Variants in GALNT13 observed in about 807,000 individuals in gnomAD.
The protein encoded by GALNT13 is UDP-GalNAc:polypeptide N-acetylgalactosaminyltransferase 13.
A neutral mutation model predicts 64.2 loss-of-function variants in GALNT13; 28 were observed. That is an observed-to-expected ratio of 0.44 (90% CI 0.32 to 0.60). The LOEUF (loss-of-function observed/expected upper bound fraction) is 0.60. Ranked by LOEUF, GALNT13 falls within the 20% of genes least tolerant of loss-of-function variation. The pLI, the probability that GALNT13 is intolerant of heterozygous loss-of-function variation, is 0.05. For missense variants in GALNT13, 577 were observed against 669.8 expected (o/e 0.86, Z 1.53); for synonymous variants, 214 against 224.6 (o/e 0.95, Z 0.42).
the GALNT13 span, among the ~76,000 whole-genome samples, chr2:153,179,117 C>T: frequency 6.6e-6 from 1 of 152,132 alleles, no homozygotes; most frequent in African/African-American, 2.4e-5. Context: ...TTGCCCAGAC[C>T]AATGTCACAT....
At chr2:153,932,529 T>G (rs971379931) in intron 2 of GALNT13, among the ~76,000 whole-genome samples, 1 of 151,996 alleles carries the variant, frequency 6.6e-6, no homozygotes, top group Admixed American at 6.6e-5. Flanking sequence ...TTAATTTCAT[T>G]GTTTGCCCAA....
At chr2:153,292,201 C>T in the GALNT13 span, among the ~76,000 whole-genome samples, 3 of 152,140 alleles carry the variant, frequency 2.0e-5, no homozygotes, top group Non-Finnish European at 2.9e-5. Flanking sequence ...TTAGCTGTTT[C>T]ACCACCAAGG....
the GALNT13 span, among the ~76,000 whole-genome samples, chr2:153,411,723 C>T: frequency 3.3e-5 from 5 of 152,074 alleles, no homozygotes; most frequent in Non-Finnish European, 7.4e-5. Flanking sequence ...TGGTGTGATA[C>T]GTTTGCATAT....
intron 3 of GALNT13, among the ~76,000 whole-genome samples, chr2:154,091,515 A>G (rs1402762270): frequency 7.3e-5 from 11 of 151,074 alleles, no homozygotes; most frequent in Admixed American, 5.9e-4. Flanking sequence ...AATTAAAAGG[A>G]TGAGTTATTA....
the GALNT13 span, among the ~76,000 whole-genome samples, chr2:153,574,662 T>C: frequency 3.9e-5 from 6 of 152,106 alleles, no homozygotes; most frequent in Non-Finnish European, 8.8e-5. Flanking sequence ...AGTATGCCAA[T>C]TGCATTCTTT....
chr2:153,459,829 C>T, the GALNT13 span, among the ~76,000 whole-genome samples: 1 of 152,072 alleles, frequency 6.6e-6, no homozygotes, highest in Non-Finnish European at 1.5e-5. Flanking sequence ...ACCACTAAAG[C>T]CACATTGTGT....
chr2:153,357,696 T>A, the GALNT13 span, among the ~76,000 whole-genome samples: 1 of 152,176 alleles, frequency 6.6e-6, no homozygotes, highest in Non-Finnish European at 1.5e-5. Flanking sequence ...CCAAGCCTAA[T>A]TCTCCATCCT....
chr2:153,413,047 G>A, the GALNT13 span, among the ~76,000 whole-genome samples: 2 of 152,126 alleles, frequency 1.3e-5, no homozygotes, highest in African/African-American at 2.4e-5. Context: ...AGCATCTATA[G>A]ACAGTTAAGG....
the GALNT13 span, among the ~76,000 whole-genome samples, chr2:153,216,755 TA>T: frequency 6.6e-6 from 1 of 152,054 alleles, no homozygotes; most frequent in Non-Finnish European, 1.5e-5. Flanking sequence ...GGCTTATTTT[TA>T]AAAAATTCTC....
the GALNT13 span, among the ~76,000 whole-genome samples, chr2:153,484,749 A>G: frequency 6.6e-6 from 1 of 152,190 alleles, no homozygotes; most frequent in East Asian, 1.9e-4. Flanking sequence ...ATTTCTCAAA[A>G]TCTTCCAAAT....
At chr2:153,508,172 C>G in the GALNT13 span, among the ~76,000 whole-genome samples, 124 of 152,314 alleles carry the variant, frequency 8.1e-4, 1 homozygote, top group Middle Eastern at 0.017. Flanking sequence ...GTGGCACTCT[C>G]AAGAGCACAT....
chr2:153,447,903 T>C, the GALNT13 span, among the ~76,000 whole-genome samples: 8 of 152,202 alleles, frequency 5.3e-5, no homozygotes, highest in African/African-American at 1.7e-4. Context: ...CAAGGCAGTG[T>C]TCTAGGACAT....
chr2:153,647,333 T>C, the GALNT13 span, among the ~76,000 whole-genome samples: 13 of 152,174 alleles, frequency 8.5e-5, no homozygotes, highest in African/African-American at 2.7e-4. Flanking sequence ...TCTTGTAAAT[T>C]TGTTTGAGTT....
At chr2:153,882,587 C>G (rs1338863828) in intron 1 of GALNT13, among the ~76,000 whole-genome samples, 3 of 151,662 alleles carry the variant, frequency 2.0e-5, no homozygotes, top group Non-Finnish European at 4.4e-5. Flanking sequence ...AAGACCCACT[C>G]AAGTTCACAG....
the GALNT13 span, among the ~76,000 whole-genome samples, chr2:153,755,460 T>C: frequency 6.6e-6 from 1 of 152,120 alleles, no homozygotes; most frequent in Non-Finnish European, 1.5e-5. Context: ...AGGTACTAGA[T>C]AAGAGCTTAT....
the GALNT13 span, among the ~76,000 whole-genome samples, chr2:153,088,593 A>G: frequency 2.0e-5 from 3 of 152,136 alleles, no homozygotes; most frequent in Non-Finnish European, 2.9e-5. Flanking sequence ...GTTGTCACCT[A>G]TCTCATTTAT....
chr2:153,628,488 T>C, the GALNT13 span, among the ~76,000 whole-genome samples: 2 of 151,524 alleles, frequency 1.3e-5, no homozygotes, highest in Non-Finnish European at 3.0e-5. Context: ...GGGTTTGTCA[T>C]AGATAGCTCT....
intron 4 of GALNT13, among the ~76,000 whole-genome samples, chr2:154,234,281 C>G (rs1689077064): frequency 6.6e-6 from 1 of 152,140 alleles, no homozygotes; most frequent in Non-Finnish European, 1.5e-5. Flanking sequence ...CTGTACAGTG[C>G]TTCATATTAT....
intron 3 of GALNT13, among the ~76,000 whole-genome samples, chr2:154,103,805 A>G (rs1464120609): frequency 1.3e-5 from 2 of 152,118 alleles, no homozygotes; most frequent in Admixed American, 1.3e-4. Context: ...TTGTTGTGGC[A>G]ATGTATTTGG....
Sources: allele counts gnomAD v4.1 joint callset (sites outside exome capture counted in the v4.1 genomes callset), GRCh38; gene constraint gnomAD v4.1.1; transcripts MANE v1.5; gene names NCBI Gene and HGNC (gene_info 2026-07-23, HGNC 2026-07-21).